CCDC32: variants seen among roughly 807,000 people sequenced by gnomAD.
CCDC32 encodes coiled-coil domain containing 32.
A neutral mutation model predicts 20.1 loss-of-function variants in CCDC32; 9 were observed. The ratio of observed to expected loss-of-function variants is 0.45; its 90% CI spans 0.27 to 0.78. The LOEUF is 0.78. Among genes scored for constraint, CCDC32 ranks in the 30% least tolerant of loss-of-function variants. The probability of loss-of-function intolerance (pLI) is 0.16; values close to 1 mark genes in which losing one functional copy is unlikely to be tolerated. For synonymous variants in CCDC32, 63 were observed against 79.0 expected (o/e 0.80, Z 1.07); for missense variants, 204 against 215.5 (o/e 0.95, Z 0.33).
chr15:40,521,580 A>G, the CCDC32 span, among the ~76,000 whole-genome samples: 1 of 152,192 alleles, frequency 6.6e-6, no homozygotes, highest in African/African-American at 2.4e-5. Context: ...TCCAAAGTGG[A>G]TGCACCACTG....
At chr15:40,534,972 G>A (rs1337773683), downstream of CCDC32, 14 of 702,482 alleles carry the variant, frequency 2.0e-5, no homozygotes, top group Non-Finnish European at 2.6e-6. Flanking sequence ...GTATCTGTGT[G>A]GTCTTGGGTT....
At chr15:40,532,262 A>T (rs758110110), downstream of CCDC32, 17 of 703,178 alleles carry the variant, frequency 2.4e-5, no homozygotes, top group South Asian at 2.4e-4. Context: ...TTGTCCTGGC[A>T]TCAGGTGTCA....
chr15:40,539,416 A>T, intron 3 of CCDC32: 1 of 1,388,860 alleles, frequency 7.2e-7, no homozygotes, highest in South Asian at 1.2e-5. Context: ...TCAGAGGCAC[A>T]CACTAACAGA....
chr15:40,525,602 A>G (rs1324539558), downstream of CCDC32, among the ~76,000 whole-genome samples: 1 of 152,242 alleles, frequency 6.6e-6, no homozygotes, highest in Non-Finnish European at 1.5e-5. Context: ...TTCTCAGGCC[A>G]CTGTAACTGA....
intron 3 of CCDC32, among the ~76,000 whole-genome samples, chr15:40,555,303 T>A (rs1041722103): frequency 1.3e-5 from 2 of 152,218 alleles, no homozygotes; most frequent in Non-Finnish European, 2.9e-5. Context: ...TCAAATTATT[T>A]CCATAGAGAA....
In CCDC32 at chr15:40,559,201, C is replaced by T. The variant is rs528821671; in HGVS notation, c.245-1829G>A. Among the ~76,000 whole-genome samples, 7 of 152,258 alleles carry T rather than the reference C, an allele frequency of 4.6e-5. No homozygotes were observed. The South Asian group carries it at 6.2e-4, about 14-fold the overall frequency. On this transcript the variant is annotated intron_variant, in intron 2 of 3. Coordinates refer to ENST00000416810, the MANE Select transcript of CCDC32 (RefSeq NM_001080792.4). ...AACTGCTAGGCTCAAGCAATCCTCC[C>T]ACCTCAGCCCCCTGGTAGCTGAGAT...
chr15:40,528,657 C>G (rs1287216246), downstream of CCDC32: 2 of 660,784 alleles, frequency 3.0e-6, no homozygotes, highest in African/African-American at 1.8e-5. Flanking sequence ...AGGGATGTTA[C>G]CCTGGTGATG....
chr15:40,524,045 C>T (rs1187501498), downstream of CCDC32, among the ~76,000 whole-genome samples: 2 of 149,208 alleles, frequency 1.3e-5, no homozygotes, highest in South Asian at 2.1e-4. Flanking sequence ...TATCAGTTGA[C>T]GGGAGAATGG....
downstream of CCDC32, among the ~76,000 whole-genome samples, chr15:40,550,161 C>T (rs192725556): frequency 6.6e-6 from 1 of 152,210 alleles, no homozygotes; most frequent in African/African-American, 2.4e-5. Flanking sequence ...TGCAGCCCAG[C>T]CTTCTCTGGG....
Position 40,553,118 on chromosome 15 carries a change from A to G in CCDC32, c.*853T>C, listed in dbSNP as rs1267254442. 1 of 985,318 alleles carries G rather than the reference A, an allele frequency of 1.0e-6. No homozygotes were observed. Among genetic ancestry groups the G allele is most frequent in the African/African-American group, 1.7e-5 (1 of 57,236 alleles). The allele number at this position is 985,318 out of a possible 1,614,324, so 61.0% of individuals were successfully genotyped here. A position where few individuals can be genotyped will look rare whatever the true frequency, so the allele number is the denominator to read the frequency against. On this transcript the variant is annotated 3_prime_UTR_variant, in exon 4 of 4. Coordinates refer to ENST00000416810, the MANE Select transcript of CCDC32 (RefSeq NM_001080792.4). ...CTGCTATTCCGTTGAGAAAAGTTTT[A>G]TATGGAAACACATACTGATCATGAA...
chr15:40,553,185 C>G lies in CCDC32; in HGVS notation c.*786G>C. 2 of 985,452 alleles carry G rather than the reference C, an allele frequency of 2.0e-6. No individual in the cohort carries two copies. Among genetic ancestry groups the G allele is most frequent in the Non-Finnish European group, 2.4e-6 (2 of 829,968 alleles). The allele number at this position is 985,452 out of a possible 1,614,324, so 61.0% of individuals were successfully genotyped here. A position where few individuals can be genotyped will look rare whatever the true frequency, so the allele number is the denominator to read the frequency against. ...GGAAGCTCGGGCTCAGCCAGGAAACCTGCCACAAGGAAGATGTTTGGAACT... is the reference window on the plus strand; with the variant it reads ...GGAAGCTCGGGCTCAGCCAGGAAACGTGCCACAAGGAAGATGTTTGGAACT... On this transcript the variant is annotated 3_prime_UTR_variant, in exon 4 of 4. Coordinates refer to ENST00000416810, the MANE Select transcript of CCDC32 (RefSeq NM_001080792.4).
downstream of CCDC32, among the ~76,000 whole-genome samples, chr15:40,527,356 A>C (rs1010405523): frequency 3.3e-5 from 5 of 152,152 alleles, no homozygotes; most frequent in African/African-American, 7.2e-5. Context: ...TTTTTAGTAG[A>C]GATAGGGTTT....
chr15:40,525,183 G>A (rs1031481094), downstream of CCDC32, among the ~76,000 whole-genome samples: 1 of 151,940 alleles, frequency 6.6e-6, no homozygotes, highest in Admixed American at 6.6e-5. Context: ...GCCTGCCACT[G>A]TGCTTGGCTA....
At chr15:40,532,710 C>CTTTTTTTTTT (rs1888928065), downstream of CCDC32, among the ~76,000 whole-genome samples, 1 of 96,632 alleles carries the variant, frequency 1.0e-5, no homozygotes, top group African/African-American at 3.9e-5. Flanking sequence ...AATTTGTTTT[C>CTTTTTTTTTT]TTTCTTTTTT....
At chr15:40,549,494 A>G (rs945862959), downstream of CCDC32, among the ~76,000 whole-genome samples, 9 of 152,026 alleles carry the variant, frequency 5.9e-5, no homozygotes, top group Non-Finnish European at 1.0e-4. Flanking sequence ...CCCCACTCCA[A>G]CTGGTCTAGG....
Position 40,553,759 on chromosome 15 carries a change from A to T in CCDC32, c.*212T>A, listed in dbSNP as rs1489988652. ...CAGTCACTTCATCCGAGACAGTCAC[A>T]CATGCCAGCCCCAGGTAAGTCCCTG... On this transcript the variant is annotated 3_prime_UTR_variant, in exon 4 of 4. Transcript: ENST00000416810. 1 of 1,361,058 alleles carries T rather than the reference A, an allele frequency of 7.3e-7. No homozygotes were observed. Among genetic ancestry groups the T allele is most frequent in the Non-Finnish European group, 9.5e-7 (1 of 1,057,624 alleles). The allele number at this position is 1,361,058 out of a possible 1,614,324, so 84.3% of individuals were successfully genotyped here. A position where few individuals can be genotyped will look rare whatever the true frequency, so the allele number is the denominator to read the frequency against.
chr15:40,534,581 G>T (rs1260556740), downstream of CCDC32: 1 of 253,362 alleles, frequency 3.9e-6, no homozygotes. Flanking sequence ...ACCTCCCGCT[G>T]GGTCCTTCCC....
chr15:40,557,128 T>A, intron 3 of CCDC32, 88 bp downstream of exon 3: 2 of 1,501,002 alleles, frequency 1.3e-6, no homozygotes, highest in South Asian at 1.4e-5. Flanking sequence ...AAAAAGTCTG[T>A]TCTTAAAAAT....
downstream of CCDC32, chr15:40,534,507 C>T (rs1889024761): frequency 2.5e-5 from 4 of 163,156 alleles, no homozygotes; most frequent in Admixed American, 2.4e-4. Flanking sequence ...CTAAAACCAT[C>T]AGATCTCGTG....
Sources: gnomAD v4.1 joint callset for allele counts (sites outside exome capture counted in the v4.1 genomes callset) on GRCh38, gnomAD v4.1.1 for gene constraint, MANE v1.5 for transcripts, NCBI Gene and HGNC (gene_info 2026-07-23, HGNC 2026-07-21) for gene names.